The following LONP2 variants were observed in gnomAD, a reference collection of about 807,000 sequenced individuals.
LONP2 encodes lon protease homolog 2, peroxisomal.
A neutral mutation model predicts 85.6 loss-of-function variants in LONP2; 60 were observed. That is an observed-to-expected ratio of 0.70 (90% CI 0.57 to 0.87). The LOEUF is 0.87. Ranked by LOEUF, LONP2 falls within the 40% of genes least tolerant of loss-of-function variation. The pLI is 0.00. For synonymous variants in LONP2, 395 were observed against 389.7 expected (o/e 1.01, Z -0.16); for missense variants, 860 against 1,063.5 (o/e 0.81, Z 2.66).
intron 11 of LONP2, among the ~76,000 whole-genome samples, chr16:48,333,574 G>A (rs1003799175): frequency 3.9e-5 from 6 of 151,906 alleles, no homozygotes; most frequent in African/African-American, 1.5e-4. Context: ...GGCCAAGCGA[G>A]TGAGGATCGC....
At chr16:48,321,014 A>G (rs1973251910) in intron 11 of LONP2, among the ~76,000 whole-genome samples, 3 of 152,106 alleles carry the variant, frequency 2.0e-5, no homozygotes, top group Admixed American at 2.0e-4. Context: ...ACTTGCTGCA[A>G]CCTCCACCTC....
Position 48,252,188 on chromosome 16 carries a change from C to T in LONP2, c.291C>T (p.His97=). 6.2e-7 allele frequency: 1 copy of T among 1,613,448 alleles called. No individual in the cohort carries two copies. The highest frequency in any genetic ancestry group is 8.5e-7 in the Non-Finnish European group (1 of 1,179,510). The change falls in exon 2 of 15, where the codon CAC becomes CAT. Residue 97 remains histidine (H), a synonymous_variant. Coordinates refer to ENST00000285737, the MANE Select transcript of LONP2 (RefSeq NM_031490.5). ...TGGGCAGTAACTGGCCCAAGCCCCA[C>T]TACACTCTGTTGATTACAGGCCTAT... is the stretch of plus-strand genomic sequence containing the variant. ...QVVGSNWPKP[H]YTLLITGLCR...
At position 48,353,306 on chromosome 16, in the gene LONP2, G is replaced by C. The variant is rs1042793374; in HGVS notation, c.*1504G>C. ...GGATCACTTAAGCTCAGGAGTTCAA[G>C]GCCAGCCTGGGCAACATGGCAAAAC... On this transcript the variant is annotated 3_prime_UTR_variant, in exon 15 of 15. Transcript: ENST00000285737. 6.6e-6 allele frequency: 1 copy of C among 151,704 alleles called. No homozygotes were observed. The highest frequency in any genetic ancestry group is 2.4e-5 in the African/African-American group (1 of 41,244). 9.4% of individuals were successfully genotyped at this position (151,704 alleles called of 1,614,324 possible).
intron 11 of LONP2, among the ~76,000 whole-genome samples, chr16:48,331,990 C>T (rs1346155920): frequency 1.3e-5 from 2 of 152,154 alleles, no homozygotes; most frequent in East Asian, 3.9e-4. Context: ...GTTGTGTTTT[C>T]CTTCCTGTGT....
rs761605688 is a variant in LONP2, at chr16:48,303,294, C to T, written c.1784C>T (p.Thr595Ile). The T allele has an allele frequency of 5.6e-6, 9 of 1,612,916 alleles. No individual in the cohort carries two copies. In the Admixed American group the frequency reaches 1.0e-4, roughly 18 times the overall value. Residue 595 changes from threonine to isoleucine, a missense_variant, in exon 11 of 15, where the codon ACT becomes ATT. By Grantham distance (89) the Thr-to-Ile change is moderately conservative (BLOSUM62 -1). Coordinates refer to ENST00000285737, the MANE Select transcript of LONP2 (RefSeq NM_031490.5). Reference sequence around the variant, plus strand: ...GCCAAGTTGGACCGTTCTGATGTGACTGAGAGAGAAGGTTGGTGACCTTGT... The same window carrying T: ...GCCAAGTTGGACCGTTCTGATGTGATTGAGAGAGAAGGTTGGTGACCTTGT... ...KEAKLDRSDV[T>I]EREGCREHIL...
intron 11 of LONP2, among the ~76,000 whole-genome samples, chr16:48,318,047 C>T (rs962371446): frequency 6.6e-6 from 1 of 151,616 alleles, no homozygotes; most frequent in African/African-American, 2.4e-5. Flanking sequence ...GTGGTACTCC[C>T]GGGATGTGGT....
At chr16:48,278,253 A>G (rs941305802) in intron 8 of LONP2, among the ~76,000 whole-genome samples, 5 of 152,206 alleles carry the variant, frequency 3.3e-5, no homozygotes, top group African/African-American at 1.2e-4. Flanking sequence ...CAAGACCTTC[A>G]GACACTTTAG....
intron 7 of LONP2, among the ~76,000 whole-genome samples, chr16:48,271,089 A>G (rs1972093818): frequency 6.6e-6 from 1 of 152,154 alleles, no homozygotes; most frequent in African/African-American, 2.4e-5. Flanking sequence ...CTGAGATGGG[A>G]GAATCATTTA....
At chr16:48,268,609 C>T (rs1213365234) in intron 6 of LONP2, among the ~76,000 whole-genome samples, 1 of 152,062 alleles carries the variant, frequency 6.6e-6, no homozygotes, top group East Asian at 1.9e-4. Context: ...TTTATGTTTA[C>T]TGTGGTAGGT....
intron 12 of LONP2, among the ~76,000 whole-genome samples, chr16:48,346,471 A>C (rs1351479015): frequency 6.6e-6 from 1 of 152,206 alleles, no homozygotes; most frequent in Non-Finnish European, 1.5e-5. Context: ...GATGGCAGGC[A>C]GTACAGTGGA....
chr16:48,276,350 C>G, intron 7 of LONP2, among the ~76,000 whole-genome samples: 1 of 152,276 alleles, frequency 6.6e-6, no homozygotes, highest in East Asian at 1.9e-4. Flanking sequence ...CTCTGTGAAT[C>G]GGCTTTGTGC....
At chr16:48,284,004 T>C (rs941741126) in intron 8 of LONP2, among the ~76,000 whole-genome samples, 1 of 152,116 alleles carries the variant, frequency 6.6e-6, no homozygotes, top group East Asian at 1.9e-4. Context: ...CATGGATGAC[T>C]TTGAGGGGTT....
chr16:48,245,655 C>A (rs1212909354), intron 1 of LONP2, among the ~76,000 whole-genome samples: 1 of 152,062 alleles, frequency 6.6e-6, no homozygotes, highest in Non-Finnish European at 1.5e-5. Flanking sequence ...TGTAAGTGTA[C>A]AATACACGCC....
intron 8 of LONP2, among the ~76,000 whole-genome samples, chr16:48,280,439 T>A (rs1468794074): frequency 6.6e-6 from 1 of 152,232 alleles, no homozygotes; most frequent in African/African-American, 2.4e-5. Context: ...ATGTTTTAGG[T>A]CTTCACCTAT....
At chr16:48,358,166 A>G (rs145111232), downstream of LONP2, among the ~76,000 whole-genome samples, 6 of 152,366 alleles carry the variant, frequency 3.9e-5, no homozygotes, top group East Asian at 1.2e-3. Context: ...AGTTAATACT[A>G]AAATGTCAAG....
chr16:48,250,018 C>G (rs939641545), intron 1 of LONP2, among the ~76,000 whole-genome samples: 2 of 151,952 alleles, frequency 1.3e-5, no homozygotes, highest in African/African-American at 2.4e-5. Context: ...ATAGTGAAAC[C>G]CTGTCTCTAC....
chr16:48,258,650 C>T lies in LONP2; in HGVS notation c.633C>T (p.Phe211=), dbSNP rs779403729. 1.8e-5 allele frequency: 29 copies of T among 1,606,676 alleles called. No homozygotes were observed. The South Asian group carries it at 3.0e-4, about 17-fold the overall frequency. The change falls in exon 4 of 15, where the codon TTC becomes TTT. Residue 211 remains phenylalanine, a synonymous_variant. Transcript: ENST00000285737. ...ILDAVSLEER[F]KMTIPLLVRQ... ...ATGCTGTGAGCCTAGAGGAGCGGTT[C>T]AAGATGACTATACCACTGCTTGTCA...
rs780529519 is a variant in LONP2 at position 48,270,268 on chromosome 16, G to A, written c.1235G>A (p.Gly412Glu). The change falls in exon 7 of 15, where the codon GGA (glycine) becomes GAA (glutamate). Residue 412 changes from glycine to glutamate, a missense_variant. Coordinates refer to ENST00000285737, the MANE Select transcript of LONP2 (RefSeq NM_031490.5). ...GTATGTGATCAGTCTGACATTCGAG[G>A]ACACAGGTAGAACACTTCTCTCAGT... is the stretch of plus-strand genomic sequence containing the variant. ...GGVCDQSDIR[G>E]HRRTYVGSMP... 6.2e-7 allele frequency: 1 copy of A among 1,613,720 alleles called. No individual in the cohort carries two copies. Among genetic ancestry groups the A allele is most frequent in the Admixed American group, 1.7e-5 (1 of 59,998 alleles).
chr16:48,313,065 T>G (rs542807028), intron 11 of LONP2, among the ~76,000 whole-genome samples: 1 of 152,360 alleles, frequency 6.6e-6, no homozygotes, highest in Non-Finnish European at 1.5e-5. Context: ...AATCTTGGTA[T>G]CTGGTAGTGT....
Sources: allele counts gnomAD v4.1 joint callset (sites outside exome capture counted in the v4.1 genomes callset), GRCh38; gene constraint gnomAD v4.1.1; transcripts MANE v1.5; gene names NCBI Gene and HGNC (gene_info 2026-07-23, HGNC 2026-07-21).